TMEM51: variants seen among roughly 807,000 people sequenced by gnomAD.
The protein encoded by TMEM51 is transmembrane protein 51.
A neutral mutation model predicts 13.6 loss-of-function variants in TMEM51; 8 were observed. That is an observed-to-expected ratio of 0.59 (90% CI 0.35 to 1.07). TMEM51 has a LOEUF of 1.07. Ranked by LOEUF, TMEM51 falls within the 50% of genes least tolerant of loss-of-function variation. TMEM51 has a pLI of 0.02. For synonymous variants in TMEM51, 147 were observed against 144.4 expected, an observed-to-expected ratio of 1.02 and a Z score of -0.13; for missense variants, 279 against 330.7, an observed-to-expected ratio of 0.84 and a Z score of 1.21.
intron 1 of TMEM51, among the ~76,000 whole-genome samples, chr1:15,199,219 G>A (rs773581317): frequency 3.5e-4 from 52 of 150,688 alleles, no homozygotes; most frequent in Non-Finnish European, 6.6e-4. Flanking sequence ...TGCAACCTCC[G>A]CCTCCTGGGT....
intron 1 of TMEM51, among the ~76,000 whole-genome samples, chr1:15,168,230 G>T (rs922124007): frequency 7.2e-5 from 11 of 152,100 alleles, no homozygotes; most frequent in African/African-American, 2.7e-4. Context: ...CACCTTTAAG[G>T]ACCCACTAAC....
At chr1:15,153,498 G>C (rs1261185307), upstream of TMEM51, among the ~76,000 whole-genome samples, 1 of 140,838 alleles carries the variant, frequency 7.1e-6, no homozygotes, top group Non-Finnish European at 1.5e-5. Flanking sequence ...TATCCAACTC[G>C]GCTGGCAAGG....
intron 1 of TMEM51, among the ~76,000 whole-genome samples, chr1:15,182,200 A>G (rs1026822032): frequency 7.0e-6 from 1 of 141,954 alleles, no homozygotes; most frequent in Non-Finnish European, 1.5e-5. Context: ...AAATAAATAA[A>G]TAAATAACTG....
At chr1:15,158,665 T>C (rs1642667990) in intron 1 of TMEM51, among the ~76,000 whole-genome samples, 1 of 152,118 alleles carries the variant, frequency 6.6e-6, no homozygotes, top group South Asian at 2.1e-4. Flanking sequence ...GTGATTCAGG[T>C]AGGACACCCC....
intron 1 of TMEM51, among the ~76,000 whole-genome samples, chr1:15,174,309 C>G (rs987669964): frequency 2.5e-4 from 38 of 152,270 alleles, no homozygotes; most frequent in Admixed American, 4.6e-4. Flanking sequence ...GTGGCTTGAT[C>G]GTGGCTCACT....
chr1:15,214,006 CTT>C (rs367871717), intron 2 of TMEM51, among the ~76,000 whole-genome samples: 12 of 124,166 alleles, frequency 9.7e-5, no homozygotes, highest in Admixed American at 8.4e-5. Flanking sequence ...AGCACCCAGC[CTT>C]TTTTTTTTTT....
chr1:15,210,838 G>A (rs528442522), intron 2 of TMEM51, among the ~76,000 whole-genome samples: 2 of 152,074 alleles, frequency 1.3e-5, no homozygotes, highest in Admixed American at 6.5e-5. Context: ...AATATAGCTC[G>A]GGTGCTGTCC....
chr1:15,171,102 T>TCCCCCC, intron 1 of TMEM51: 3 of 692,844 alleles, frequency 4.3e-6, no homozygotes, highest in Non-Finnish European at 6.7e-6. Flanking sequence ...TCCCTCCTCC[T>TCCCCCC]CCACCCCCCG....
In TMEM51 at chr1:15,173,676, T is replaced by TAAAA. The variant is rs55954313; in HGVS notation, c.-267+19732_-267+19735dup. Among the ~76,000 whole-genome samples, 73 of 145,280 alleles carry TAAAA rather than the reference T, an allele frequency of 5.0e-4. 1 individual carries two copies. The highest frequency in any genetic ancestry group is 9.6e-4 in the Non-Finnish European group (64 of 66,550). On this transcript the variant is annotated intron_variant, in intron 1 of 3. Coordinates refer to ENST00000376008, the MANE Select transcript of TMEM51 (RefSeq NM_001136218.2). ...TTAAGCAAATTTCACAAACTCCATC[T>TAAAA]AAAAAAAAAAAAACACAAACAAAAT...
intron 1 of TMEM51, among the ~76,000 whole-genome samples, chr1:15,193,699 C>T (rs572520501): frequency 6.7e-5 from 10 of 149,746 alleles, no homozygotes; most frequent in South Asian, 2.1e-4. Context: ...ATTACAGGTG[C>T]GTGCCACCAC....
chr1:15,205,164 G>A (rs1467490092), intron 1 of TMEM51, among the ~76,000 whole-genome samples: 1 of 152,188 alleles, frequency 6.6e-6, no homozygotes, highest in African/African-American at 2.4e-5. Context: ...AAGAAAAGAT[G>A]TATGGTTCAT....
intron 1 of TMEM51, among the ~76,000 whole-genome samples, 167 bp downstream of exon 1, chr1:15,154,121 G>T (rs1283554359): frequency 1.3e-5 from 2 of 151,982 alleles, no homozygotes; most frequent in African/African-American, 4.8e-5. Context: ...TCCGCACCCC[G>T]CACCCTCTGC....
intron 1 of TMEM51, among the ~76,000 whole-genome samples, chr1:15,171,961 G>A (rs1357368736): frequency 6.6e-6 from 1 of 152,126 alleles, no homozygotes. Context: ...AGATTTCCAG[G>A]CCCCAGCCCA....
chr1:15,203,633 T>A (rs1644198704), intron 1 of TMEM51, among the ~76,000 whole-genome samples: 1 of 152,154 alleles, frequency 6.6e-6, no homozygotes, highest in Non-Finnish European at 1.5e-5. Flanking sequence ...TACCACAGAC[T>A]CTAATGTGAG....
At chr1:15,219,085 G>C (rs12121147) in intron 3 of TMEM51, among the ~76,000 whole-genome samples, 5 of 151,258 alleles carry the variant, frequency 3.3e-5, no homozygotes, top group African/African-American at 1.2e-4. Flanking sequence ...GTCCTGTCCT[G>C]CATGACTAGT....
intron 1 of TMEM51, among the ~76,000 whole-genome samples, chr1:15,193,037 G>A (rs1022529230): frequency 1.7e-4 from 26 of 152,276 alleles, no homozygotes; most frequent in South Asian, 1.5e-3. Flanking sequence ...GCCAGTTCCC[G>A]GGGGCATTGG....
chr1:15,199,163 A>T lies in TMEM51; in HGVS notation c.-266-11327A>T, dbSNP rs192616854. Among the ~76,000 whole-genome samples the T allele has an allele frequency of 8.2e-3, 1,184 of 145,078 alleles. 19 individuals carry two copies. Among genetic ancestry groups the T allele is most frequent in the African/African-American group, 0.029 (1,119 of 39,110 alleles). On this transcript the variant is annotated intron_variant, in intron 1 of 3. Transcript: ENST00000376008. ...TTTTTTTTTTTGGAGACGAAGTTTC[A>T]CTCTTGTTGCCCAGGCTGGAGTGCA...
intron 2 of TMEM51, among the ~76,000 whole-genome samples, chr1:15,214,007 T>TC (rs1491490132): frequency 5.6e-4 from 34 of 60,890 alleles, no homozygotes; most frequent in African/African-American, 1.7e-3. Context: ...GCACCCAGCC[T>TC]TTTTTTTTTT....
intron 1 of TMEM51, among the ~76,000 whole-genome samples, chr1:15,177,702 T>C (rs1643492953): frequency 6.6e-6 from 1 of 152,150 alleles, no homozygotes. Flanking sequence ...ATTGATTGAT[T>C]GATTGATTAA....
Sources: gnomAD v4.1 joint callset for allele counts (sites outside exome capture counted in the v4.1 genomes callset) on GRCh38, gnomAD v4.1.1 for gene constraint, MANE v1.5 for transcripts, NCBI Gene and HGNC (gene_info 2026-07-23, HGNC 2026-07-21) for gene names.